MDM2: variants seen among roughly 807,000 people sequenced by gnomAD.
MDM2 encodes E3 ubiquitin-protein ligase Mdm2.
Under a neutral mutation model 64.3 loss-of-function variants are expected in MDM2, and 11 were observed. The observed-to-expected ratio is 0.17, with a 90% CI of 0.11 to 0.28. MDM2 has a LOEUF of 0.28. Among genes scored for constraint, MDM2 ranks in the 10% least tolerant of loss-of-function variants. The pLI is 1.00. For synonymous variants in MDM2, 194 were observed against 192.9 expected (o/e 1.01, Z -0.05); for missense variants, 388 against 577.1 (o/e 0.67, Z 3.36).
chr12:68,813,239 C>T (rs1881061267), intron 2 of MDM2, among the ~76,000 whole-genome samples: 1 of 152,234 alleles, frequency 6.6e-6, no homozygotes, highest in African/African-American at 2.4e-5. Context: ...CTTTGATTCT[C>T]TAAGTTAGCT....
intron 7 of MDM2, chr12:68,828,525 G>A: frequency 2.8e-6 from 1 of 355,578 alleles, no homozygotes; most frequent in African/African-American, 2.1e-5. Context: ...AGTGAGCCGA[G>A]ATTGTGCCTC....
At chr12:68,828,625 T>C (rs1882535571) in intron 7 of MDM2, 146 bp from the exon 8 acceptor site, 2 of 631,552 alleles carry the variant, frequency 3.2e-6, no homozygotes, top group Non-Finnish European at 5.5e-6. Flanking sequence ...AGTGTTCTGC[T>C]GTAACAGTTG....
At position 68,843,344 on chromosome 12, in the gene MDM2, T is replaced by C. The variant is rs1883972297; in HGVS notation, c.*3495T>C. The C allele has an allele frequency of 4.3e-6, 1 of 231,072 alleles. No individual in the cohort carries two copies. Among genetic ancestry groups the C allele is most frequent in the South Asian group, 1.8e-4 (1 of 5,520 alleles). 14.3% of individuals were successfully genotyped at this position (231,072 alleles called of 1,614,324 possible). On this transcript the variant is annotated 3_prime_UTR_variant, in exon 11 of 11. Coordinates refer to ENST00000258149, the MANE Select transcript of MDM2 (RefSeq NM_002392.6). Reference sequence around the variant, plus strand: ...GGGTGACTATAGTTAATGTATTGAATGTTCTTGCTACAAATAAATGATATT... The same window carrying C: ...GGGTGACTATAGTTAATGTATTGAACGTTCTTGCTACAAATAAATGATATT...
Position 68,839,676 on chromosome 12 carries a change from A to G in MDM2, c.1321A>G (p.Ile441Val), listed in dbSNP as rs777075587. The change falls in exon 11 of 11, where the codon ATT (isoleucine) becomes GTT (valine). Residue 441 changes from isoleucine to valine, a missense_variant. Transcript: ENST00000258149. ...GGAATCTAGTTTGCCCCTTAATGCC[A>G]TTGAACCTTGTGTGATTTGTCAAGG... is the stretch of plus-strand genomic sequence containing the variant. ...SVESSLPLNA[I>V]EPCVICQGRP... 1.2e-6 allele frequency: 2 copies of G among 1,613,714 alleles called. No individual in the cohort carries two copies. Among genetic ancestry groups the G allele is most frequent in the African/African-American group, 2.7e-5 (2 of 74,826 alleles).
At chr12:68,830,190 GTGTCT>G (rs1193000691) in intron 8 of MDM2, among the ~76,000 whole-genome samples, 1 of 152,154 alleles carries the variant, frequency 6.6e-6, no homozygotes, top group Non-Finnish European at 1.5e-5. Context: ...TAATATGGCA[GTGTCT>G]CATGGCCATT....
chr12:68,823,154 T>A (rs1270553897), intron 5 of MDM2, among the ~76,000 whole-genome samples: 1 of 152,210 alleles, frequency 6.6e-6, no homozygotes, highest in African/African-American at 2.4e-5. Flanking sequence ...GTGTAATGCC[T>A]TACCCATAGT....
chr12:68,816,362 C>CTTTTTT lies in MDM2; in HGVS notation c.175-427_175-422dup, dbSNP rs62874563. 4.4e-4 allele frequency among the ~76,000 whole-genome samples: 27 copies of CTTTTTT among 61,086 alleles called. 3 individuals carry two copies. The highest frequency in any genetic ancestry group is 1.5e-3 in the African/African-American group (22 of 14,908). 40.1% of individuals were successfully genotyped at this position (61,086 alleles called of 152,430 possible). On this transcript the variant is annotated intron_variant, in intron 3 of 10. Transcript: ENST00000258149. ...TTAAATGGAAAAGGCTTAAAAGTAG[C>CTTTTTT]TTTTTTTTTTTTTTTTTTTTTTTTT... is the stretch of plus-strand genomic sequence containing the variant.
At chr12:68,819,063 G>A (rs1421304817) in intron 4 of MDM2, among the ~76,000 whole-genome samples, 1 of 152,126 alleles carries the variant, frequency 6.6e-6, no homozygotes, top group African/African-American at 2.4e-5. Context: ...ATGTTTGGAA[G>A]TATGATTTCC....
At chr12:68,809,568 T>TC (rs1308132643) in intron 2 of MDM2, among the ~76,000 whole-genome samples, 1 of 152,184 alleles carries the variant, frequency 6.6e-6, no homozygotes, top group Non-Finnish European at 1.5e-5. Flanking sequence ...GATTTTTTTT[T>TC]CCTTTTTGAC....
At chr12:68,830,172 T>A (rs1882681523) in intron 8 of MDM2, among the ~76,000 whole-genome samples, 1 of 152,224 alleles carries the variant, frequency 6.6e-6, no homozygotes, top group Non-Finnish European at 1.5e-5. Flanking sequence ...ATTGGATACA[T>A]TTTTTGGTAA....
At chr12:68,838,280 T>G (rs1883468616) in intron 10 of MDM2, among the ~76,000 whole-genome samples, 1 of 152,200 alleles carries the variant, frequency 6.6e-6, no homozygotes, top group African/African-American at 2.4e-5. Flanking sequence ...GCAAGAACCA[T>G]GCTTCAGCTA....
chr12:68,828,225 G>A (rs1303109715), intron 7 of MDM2: 1 of 152,216 alleles, frequency 6.6e-6, no homozygotes, highest in Admixed American at 6.5e-5. Context: ...AAAAACAGAT[G>A]AGCTCTTATA....
chr12:68,809,067 C>G (rs1231448372), intron 1 of MDM2, 141 bp from the exon 2 acceptor site: 17 of 1,501,552 alleles, frequency 1.1e-5, no homozygotes, highest in Non-Finnish European at 1.5e-5. Context: ...ACGCACGCCA[C>G]TTTTTCTCTG....
chr12:68,847,873 TA>T (rs1228193916), downstream of MDM2: 2 of 152,336 alleles, frequency 1.3e-5, no homozygotes, highest in East Asian at 3.9e-4. Context: ...AATTTTAAAA[TA>T]ACATCCTGGG....
intron 3 of MDM2, among the ~76,000 whole-genome samples, chr12:68,816,224 AAT>A (rs1268515000): frequency 2.6e-5 from 4 of 152,036 alleles, no homozygotes; most frequent in African/African-American, 9.7e-5. Context: ...TTCCCTTCCT[AAT>A]ATGTTAGTAT....
rs181555550 is a variant in MDM2, at chr12:68,825,156, C to T, written c.523+505C>T. ...CCCGGGAGGTAGAAGTTACAGTGAG[C>T]CGAAATTGCGCCACTGCACTCCAGC... On this transcript the variant is annotated intron_variant, in intron 7 of 10. Coordinates refer to ENST00000258149, the MANE Select transcript of MDM2 (RefSeq NM_002392.6). 1.1e-3 allele frequency among the ~76,000 whole-genome samples: 168 copies of T among 152,284 alleles called. 1 individual carries two copies. Among genetic ancestry groups the T allele is most frequent in the Middle Eastern group, 3.4e-3 (1 of 294 alleles).
chr12:68,816,175 G>A (rs1257534116), intron 3 of MDM2, among the ~76,000 whole-genome samples: 1 of 151,906 alleles, frequency 6.6e-6, no homozygotes, highest in Non-Finnish European at 1.5e-5. Context: ...TTTTGTTTCT[G>A]CAACTTTTTT....
At chr12:68,835,684 G>T (rs759123173) in intron 8 of MDM2, 145 bp from the exon 9 acceptor site, 5 of 699,204 alleles carry the variant, frequency 7.2e-6, no homozygotes, top group Non-Finnish European at 1.1e-5. Flanking sequence ...GATCTCCCTC[G>T]GGAAGTCCCG....
chr12:68,842,578 A>C lies in MDM2; in HGVS notation c.*2729A>C, dbSNP rs186390042. 8.4e-4 allele frequency: 272 copies of C among 323,978 alleles called. No homozygotes were observed. The highest frequency in any genetic ancestry group is 1.3e-3 in the Non-Finnish European group (217 of 164,634). 20.1% of individuals were successfully genotyped at this position (323,978 alleles called of 1,614,324 possible). On this transcript the variant is annotated 3_prime_UTR_variant, in exon 11 of 11. Transcript: ENST00000258149. ...GATCGCATCTCATTGTTAACTCTTTACTGATATGTTTGTAAATACAGAAGT... is the reference window on the plus strand; with the variant it reads ...GATCGCATCTCATTGTTAACTCTTTCCTGATATGTTTGTAAATACAGAAGT...
Sources: allele counts gnomAD v4.1 joint callset (sites outside exome capture counted in the v4.1 genomes callset), GRCh38; gene constraint gnomAD v4.1.1; transcripts MANE v1.5; gene names NCBI Gene and HGNC (gene_info 2026-07-23, HGNC 2026-07-21).